AUTS2: variants seen among roughly 807,000 people sequenced by gnomAD.
The protein encoded by AUTS2 is autism susceptibility gene 2 protein.
A neutral mutation model predicts 112.4 loss-of-function variants in AUTS2; 17 were observed. The observed-to-expected ratio is 0.15, with a 90% CI of 0.10 to 0.23. The LOEUF (loss-of-function observed/expected upper bound fraction) is 0.23, where lower values mean the gene tolerates loss of function less well. AUTS2 is among the 10% of genes least tolerant of loss of function. The probability of loss-of-function intolerance (pLI) is 1.00; values close to 1 mark genes in which losing one functional copy is unlikely to be tolerated. For synonymous variants in AUTS2, 751 were observed against 702.7 expected (o/e 1.07, Z -1.09); for missense variants, 1,510 against 1,701.6 (o/e 0.89, Z 1.98).
chr7:70,489,968 A>C (rs1441058159), intron 5 of AUTS2, among the ~76,000 whole-genome samples: 1 of 152,248 alleles, frequency 6.6e-6, no homozygotes, highest in Non-Finnish European at 1.5e-5. Flanking sequence ...AACTAAATGA[A>C]AATGAAAATG....
intron 5 of AUTS2, among the ~76,000 whole-genome samples, chr7:70,442,235 A>G (rs1246777884): frequency 6.6e-6 from 1 of 152,098 alleles, no homozygotes; most frequent in Non-Finnish European, 1.5e-5. Context: ...CAAAATTTGC[A>G]TTTTCTTTCC....
At chr7:70,145,820 G>A (rs2129575769) in intron 4 of AUTS2, among the ~76,000 whole-genome samples, 1 of 152,204 alleles carries the variant, frequency 6.6e-6, no homozygotes, top group Admixed American at 6.6e-5. Context: ...CAAACAAAGG[G>A]TTGTACCACG....
rs943410342 is a variant in AUTS2 at position 70,763,814 on chromosome 7, A to AT, written c.1214+483dup. The stretch of plus-strand genomic sequence containing the variant: ...ACCTGATGAGTATTCCAGCTTAAGG[A>AT]TTTTTTTTTTCATTCTGATTTACTT... On this transcript the variant is annotated intron_variant, in intron 7 of 18. Coordinates refer to ENST00000342771, the MANE Select transcript of AUTS2 (RefSeq NM_015570.4). Among the ~76,000 whole-genome samples, 13 of 151,164 alleles carry AT rather than the reference A, an allele frequency of 8.6e-5. No homozygotes were observed. The South Asian group carries it at 1.1e-3, about 12-fold the overall frequency.
chr7:69,616,287 A>G (rs1003132721), intron 1 of AUTS2, among the ~76,000 whole-genome samples: 1 of 152,230 alleles, frequency 6.6e-6, no homozygotes, highest in Non-Finnish European at 1.5e-5. Context: ...GGTGGAGTCA[A>G]GAAAGTACCA....
intron 5 of AUTS2, among the ~76,000 whole-genome samples, chr7:70,600,348 T>C (rs944121360): frequency 6.6e-6 from 1 of 152,166 alleles, no homozygotes; most frequent in Non-Finnish European, 1.5e-5. Context: ...CCATCTTGGC[T>C]TACTGCAACC....
At chr7:70,100,405 G>A (rs1804419824) in intron 2 of AUTS2, among the ~76,000 whole-genome samples, 2 of 151,866 alleles carry the variant, frequency 1.3e-5, no homozygotes, top group African/African-American at 4.8e-5. Flanking sequence ...GTCTGTGGAA[G>A]TAGAAAGCTA....
chr7:69,966,319 C>T (rs1797634631), intron 2 of AUTS2, among the ~76,000 whole-genome samples: 1 of 152,174 alleles, frequency 6.6e-6, no homozygotes, highest in South Asian at 2.1e-4. Context: ...TGAGCCCCCA[C>T]ATACCTTTTG....
At position 70,766,311 on chromosome 7, in the gene AUTS2, A is replaced by G; in HGVS notation, c.1666A>G (p.Met556Val). 1 of 1,614,098 alleles carries G rather than the reference A, an allele frequency of 6.2e-7. No homozygotes were observed. Among genetic ancestry groups the G allele is most frequent in the South Asian group, 1.1e-5 (1 of 91,064 alleles). The stretch of plus-strand genomic sequence containing the variant: ...CCACGCCATCCCACCCACCGCCATC[A>G]TGCCGACGCCAGCACCTCCCATGGT... ...FPHAIPPTAI[M>V]PTPAPPMFDK... The change falls in exon 9 of 19, where the codon ATG (methionine) becomes GTG (valine). Residue 556 changes from methionine (M) to valine (V), a missense_variant. This residue lies in a region of AUTS2 where 187 missense variants were observed against 309.7 expected (regional missense o/e 0.60). Transcript: ENST00000342771. The surrounding 1 kb of genome is among the most constrained non-coding windows in gnomAD (Gnocchi z 4.8).
intron 5 of AUTS2, among the ~76,000 whole-genome samples, chr7:70,595,826 G>C (rs796395314): frequency 1.3e-5 from 2 of 152,374 alleles, no homozygotes; most frequent in African/African-American, 4.8e-5. Context: ...CCAATCTGGA[G>C]AGGTGGGGCA....
chr7:69,601,429 T>C (rs1792401518), intron 1 of AUTS2, among the ~76,000 whole-genome samples: 1 of 152,200 alleles, frequency 6.6e-6, no homozygotes, highest in Admixed American at 6.5e-5. Flanking sequence ...GGGTGTCAGC[T>C]TTAAATATTT....
chr7:69,657,630 G>A (rs1362469594), intron 1 of AUTS2, among the ~76,000 whole-genome samples: 1 of 152,084 alleles, frequency 6.6e-6, no homozygotes, highest in Non-Finnish European at 1.5e-5. Context: ...AGCAGATGTG[G>A]GTGGTGAAGG....
At chr7:70,091,239 C>G (rs1803905300) in intron 2 of AUTS2, among the ~76,000 whole-genome samples, 1 of 152,104 alleles carries the variant, frequency 6.6e-6, no homozygotes, top group Non-Finnish European at 1.5e-5. Flanking sequence ...CCTGGATGCT[C>G]TTAAGAATTT....
chr7:70,767,266 C>T (rs1790003766), intron 9 of AUTS2, among the ~76,000 whole-genome samples: 1 of 152,148 alleles, frequency 6.6e-6, no homozygotes, highest in Non-Finnish European at 1.5e-5. Flanking sequence ...TCTTGTTTAA[C>T]TTACTTTTTA....
At chr7:70,179,110 TC>T (rs367593514) in intron 4 of AUTS2, among the ~76,000 whole-genome samples, 307 of 152,216 alleles carry the variant, frequency 2.0e-3, no homozygotes, top group Non-Finnish European at 3.5e-3. Flanking sequence ...GCTCTCCATC[TC>T]CCTGTGGCAT....
At chr7:70,021,240 C>A (rs1800259023) in intron 2 of AUTS2, among the ~76,000 whole-genome samples, 1 of 152,192 alleles carries the variant, frequency 6.6e-6, no homozygotes, top group Non-Finnish European at 1.5e-5. Flanking sequence ...CCTTGGCCTC[C>A]CAAAGTGCTG....
chr7:69,650,113 C>G (rs1795225777), intron 1 of AUTS2, among the ~76,000 whole-genome samples: 1 of 152,096 alleles, frequency 6.6e-6, no homozygotes, highest in African/African-American at 2.4e-5. Context: ...CAAGAGATGG[C>G]AAAATCATTT....
chr7:70,660,303 G>GTGAT (rs1484335392), intron 5 of AUTS2, among the ~76,000 whole-genome samples: 1 of 152,206 alleles, frequency 6.6e-6, no homozygotes, highest in Non-Finnish European at 1.5e-5. Context: ...AGATCTCAGT[G>GTGAT]TGATGTCTTT....
chr7:69,657,304 G>A (rs192868094), intron 1 of AUTS2, among the ~76,000 whole-genome samples: 259 of 152,318 alleles, frequency 1.7e-3, no homozygotes, highest in Middle Eastern at 6.8e-3. Flanking sequence ...CAGAACCAGC[G>A]AGGTGCAGGC....
At chr7:70,638,108 G>A (rs1805618388) in intron 5 of AUTS2, among the ~76,000 whole-genome samples, 1 of 152,116 alleles carries the variant, frequency 6.6e-6, no homozygotes, top group African/African-American at 2.4e-5. Flanking sequence ...AGGGTTTGGG[G>A]AGAACTTCTA....
Sources: allele counts gnomAD v4.1 joint callset (sites outside exome capture counted in the v4.1 genomes callset), GRCh38; gene constraint gnomAD v4.1.1; regional missense constraint gnomAD v4.1.1; non-coding constraint Gnocchi (gnomAD v3.1); transcripts MANE v1.5; gene names NCBI Gene and HGNC (gene_info 2026-07-23, HGNC 2026-07-21).